The following ZHX3 variants were observed in gnomAD, a reference collection of about 807,000 sequenced individuals.
The protein encoded by ZHX3 is zinc fingers and homeoboxes protein 3.
In ZHX3, 20 loss-of-function variants were observed where a neutral mutation model predicts 64.5. The ratio of observed to expected loss-of-function variants is 0.31; its 90% CI spans 0.22 to 0.45. The LOEUF (loss-of-function observed/expected upper bound fraction) is 0.45. Among genes scored for constraint, ZHX3 ranks in the 20% least tolerant of loss-of-function variants. The pLI is 1.00. For missense variants in ZHX3, 1,041 were observed against 1,195.8 expected (o/e 0.87, Z 1.91); for synonymous variants, 423 against 461.6 (o/e 0.92, Z 1.07).
intron 2 of ZHX3, among the ~76,000 whole-genome samples, chr20:41,227,218 C>T (rs2146362884): frequency 6.6e-6 from 1 of 152,246 alleles, no homozygotes; most frequent in Non-Finnish European, 1.5e-5. Context: ...GAGATGTTGA[C>T]AGCCAAATGG....
chr20:41,192,915 T>C (rs2037161172), intron 3 of ZHX3, among the ~76,000 whole-genome samples: 1 of 152,196 alleles, frequency 6.6e-6, no homozygotes, highest in Non-Finnish European at 1.5e-5. Context: ...AATCCTTTCA[T>C]GGTGGAAATG....
chr20:41,232,027 G>A lies in ZHX3; in HGVS notation c.-150-26961C>T, dbSNP rs901556381. On this transcript the variant is annotated intron_variant, in intron 2 of 3. Coordinates refer to ENST00000683867, the MANE Select transcript of ZHX3 (RefSeq NM_001384317.1). The surrounding 1 kb of genome is among the most constrained non-coding windows in gnomAD (Gnocchi z 5.0). ...CATTCCGTACCATTAGACGCTGACA[G>A]CCCAGACCCCACCAAAATAGAGGCA... Among the ~76,000 whole-genome samples, 6 of 152,154 alleles carry A rather than the reference G, an allele frequency of 3.9e-5. No individual in the cohort carries two copies. The highest frequency in any genetic ancestry group is 1.2e-4 in the African/African-American group (5 of 41,432).
chr20:41,299,733 G>A (rs777273791), intron 1 of ZHX3, among the ~76,000 whole-genome samples: 15 of 151,954 alleles, frequency 9.9e-5, no homozygotes, highest in African/African-American at 1.7e-4. Context: ...ATGGTGGCAG[G>A]CACCTGTATT....
chr20:41,198,362 A>AT (rs2037937452), intron 3 of ZHX3, among the ~76,000 whole-genome samples: 2 of 152,036 alleles, frequency 1.3e-5, no homozygotes, highest in Non-Finnish European at 2.9e-5. Context: ...GACTCCCTTT[A>AT]GCATTTCTGG....
chr20:41,248,011 G>C (rs1449000185), intron 2 of ZHX3, among the ~76,000 whole-genome samples: 1 of 152,188 alleles, frequency 6.6e-6, no homozygotes, highest in Non-Finnish European at 1.5e-5. Context: ...GAGACCGATG[G>C]TATCAGGTCC....
intron 1 of ZHX3, among the ~76,000 whole-genome samples, chr20:41,289,120 T>C (rs2044091178): frequency 6.6e-6 from 1 of 152,052 alleles, no homozygotes; most frequent in African/African-American, 2.4e-5. Flanking sequence ...GCCTCTCAAA[T>C]AGCTGGGACT....
intron 2 of ZHX3, among the ~76,000 whole-genome samples, chr20:41,261,084 C>T (rs1480895236): frequency 6.6e-6 from 1 of 152,084 alleles, no homozygotes; most frequent in African/African-American, 2.4e-5. Flanking sequence ...AAAGAAGAAA[C>T]AAGAAGGCAC....
At chr20:41,237,514 C>CA (rs2041089984) in intron 2 of ZHX3, among the ~76,000 whole-genome samples, 1 of 152,068 alleles carries the variant, frequency 6.6e-6, no homozygotes. Flanking sequence ...ATCGCAAGGA[C>CA]AAAAAACCAA....
At chr20:41,207,603 A>G (rs1478092905) in intron 2 of ZHX3, among the ~76,000 whole-genome samples, 1 of 152,362 alleles carries the variant, frequency 6.6e-6, no homozygotes, top group South Asian at 2.1e-4. Context: ...TACTGGGTAC[A>G]TAACGAAATG....
chr20:41,270,700 G>A (rs546663849), intron 1 of ZHX3, among the ~76,000 whole-genome samples: 1 of 151,370 alleles, frequency 6.6e-6, no homozygotes, highest in South Asian at 2.1e-4. Context: ...AAAGTATTAT[G>A]CACTATGCTG....
chr20:41,215,691 T>C (rs1288889427), intron 2 of ZHX3, among the ~76,000 whole-genome samples: 2 of 150,864 alleles, frequency 1.3e-5, no homozygotes. Context: ...TCCCAGCACT[T>C]TGGGAGGCCA....
chr20:41,237,951 G>A (rs905175973), intron 2 of ZHX3, among the ~76,000 whole-genome samples: 1 of 152,132 alleles, frequency 6.6e-6, no homozygotes, highest in African/African-American at 2.4e-5. Context: ...ACAGTATCTG[G>A]TGTACATGTC....
intron 1 of ZHX3, chr20:41,299,870 T>TAAAA (rs1204403125): frequency 2.7e-5 from 1 of 37,240 alleles, no homozygotes; most frequent in African/African-American, 1.8e-4. Context: ...AGACTCGGTC[T>TAAAA]CAAAAAAAAA....
intron 2 of ZHX3, among the ~76,000 whole-genome samples, chr20:41,207,773 CAATT>C (rs2146264100): frequency 6.6e-6 from 1 of 152,224 alleles, no homozygotes; most frequent in African/African-American, 2.4e-5. Flanking sequence ...CCTAACATCA[CAATT>C]AAAAGAACTA....
chr20:41,214,979 G>A (rs1395635173), intron 2 of ZHX3, among the ~76,000 whole-genome samples: 1 of 152,206 alleles, frequency 6.6e-6, no homozygotes, highest in African/African-American at 2.4e-5. Context: ...AATGGGGCCA[G>A]AGCAGTGGCT....
chr20:41,198,177 T>G (rs980586989), intron 3 of ZHX3, among the ~76,000 whole-genome samples: 4 of 152,074 alleles, frequency 2.6e-5, no homozygotes, highest in East Asian at 3.9e-4. Flanking sequence ...TTTGTATTTT[T>G]TGTAGAGATG....
chr20:41,254,129 A>G (rs1472726790), intron 2 of ZHX3, among the ~76,000 whole-genome samples: 1 of 152,124 alleles, frequency 6.6e-6, no homozygotes, highest in African/African-American at 2.4e-5. Context: ...TACTGGAAGG[A>G]GGGAAGGAAG....
At position 41,202,491 on chromosome 20, in the gene ZHX3, A is replaced by G; in HGVS notation, c.2426T>C (p.Val809Ala). The part of the protein sequence containing the change: ...AQTGLPRPEV[V>A]RWFGDSRYAL... The stretch of plus-strand genomic sequence containing the variant: ...GTACCTGCTATCTCCAAACCAGCGC[A>G]CCACCTCTGGCCGTGGCAGACCCGT... The change falls in exon 3 of 4, where the codon GTG (valine) becomes GCG (alanine). Residue 809 changes from valine to alanine, a missense_variant. Val to Ala is a moderately conservative substitution (Grantham distance 64). Around this residue, in one of 4 missense-constraint regions of ZHX3, gnomAD observed 649 missense variants for 739.8 expected, o/e 0.88. Coordinates refer to ENST00000683867, the MANE Select transcript of ZHX3 (RefSeq NM_001384317.1). This position sits in a 1 kb window ranked among gnomAD's most constrained non-coding sequence, Gnocchi z 7.0. The G allele has an allele frequency of 6.2e-7, 1 of 1,614,086 alleles. No individual in the cohort carries two copies. Among genetic ancestry groups the G allele is most frequent in the South Asian group, 1.1e-5 (1 of 91,068 alleles).
chr20:41,247,200 C>T (rs1203772267), intron 2 of ZHX3, among the ~76,000 whole-genome samples: 2 of 151,622 alleles, frequency 1.3e-5, no homozygotes, highest in South Asian at 2.1e-4. Flanking sequence ...CCCAGGAGGT[C>T]GAGGCTGCAG....
Sources: allele counts gnomAD v4.1 joint callset (sites outside exome capture counted in the v4.1 genomes callset), GRCh38; gene constraint gnomAD v4.1.1; regional missense constraint gnomAD v4.1.1; non-coding constraint Gnocchi (gnomAD v3.1); transcripts MANE v1.5; gene names NCBI Gene and HGNC (gene_info 2026-07-23, HGNC 2026-07-21).